Variants in SUMF1 observed in about 807,000 individuals in gnomAD.
The protein encoded by SUMF1 is formylglycine-generating enzyme.
Under a neutral mutation model 47.6 loss-of-function variants are expected in SUMF1, and 48 were observed. The ratio of observed to expected loss-of-function variants is 1.01; its 90% CI spans 0.80 to 1.28. SUMF1 has a LOEUF of 1.28. Ranked by LOEUF, SUMF1 falls within the 50% of genes most tolerant of loss-of-function variation. The pLI, the probability that SUMF1 is intolerant of heterozygous loss-of-function variation, is 0.00. For synonymous variants in SUMF1, 230 were observed against 192.1 expected (o/e 1.20, Z -1.63); for missense variants, 571 against 485.4 (o/e 1.18, Z -1.66).
intron 8 of SUMF1, among the ~76,000 whole-genome samples, chr3:4,160,999 G>T (rs1403010104): frequency 1.3e-5 from 2 of 152,110 alleles, no homozygotes; most frequent in African/African-American, 4.8e-5. Flanking sequence ...AAGAAATTGG[G>T]TATTGTGATC....
intron 8 of SUMF1, among the ~76,000 whole-genome samples, chr3:4,321,373 CAG>C (rs750048481): frequency 7.0e-6 from 1 of 143,034 alleles, no homozygotes; most frequent in Non-Finnish European, 1.5e-5. Context: ...AACAAAAAAA[CAG>C]GGTTCTTTGG....
intron 8 of SUMF1, among the ~76,000 whole-genome samples, chr3:4,183,997 T>C (rs1417055427): frequency 1.3e-5 from 2 of 151,980 alleles, no homozygotes; most frequent in South Asian, 4.2e-4. Flanking sequence ...TAGTCGGGCA[T>C]TGTGGCACAT....
chr3:4,456,721 TATATAC>T (rs1376579074), intron 1 of SUMF1, among the ~76,000 whole-genome samples: 38 of 135,878 alleles, frequency 2.8e-4, no homozygotes, highest in Admixed American at 3.7e-4. Flanking sequence ...TATATACATA[TATATAC>T]GTGTGTATAT....
At chr3:4,284,451 A>C (rs1559650391) in intron 8 of SUMF1, among the ~76,000 whole-genome samples, 1 of 93,750 alleles carries the variant, frequency 1.1e-5, no homozygotes, top group African/African-American at 4.6e-5. Context: ...AAGGAGGAGG[A>C]GGAGGAGGAG....
intron 8 of SUMF1, among the ~76,000 whole-genome samples, chr3:4,352,683 A>G (rs1233935103): frequency 6.7e-6 from 1 of 148,354 alleles, no homozygotes; most frequent in Admixed American, 6.8e-5. Context: ...AGGGTAGTCC[A>G]TGCATAGAAT....
At chr3:4,253,006 T>C (rs1478728614) in intron 8 of SUMF1, among the ~76,000 whole-genome samples, 2 of 152,236 alleles carry the variant, frequency 1.3e-5, no homozygotes, top group African/African-American at 2.4e-5. Flanking sequence ...ATGCAGTTTA[T>C]CACCAATTAC....
intron 8 of SUMF1, among the ~76,000 whole-genome samples, chr3:4,258,495 A>C (rs949991562): frequency 6.7e-6 from 1 of 148,698 alleles, no homozygotes; most frequent in Non-Finnish European, 1.5e-5. Flanking sequence ...TTATGCAGCC[A>C]AAAAACACAT....
intron 8 of SUMF1, among the ~76,000 whole-genome samples, chr3:4,148,279 G>T (rs1428395856): frequency 1.3e-5 from 2 of 152,112 alleles, no homozygotes; most frequent in Non-Finnish European, 2.9e-5. Flanking sequence ...TCACCCAAGA[G>T]ATGGGGGTTG....
chr3:4,110,831 T>C (rs1254221650), intron 8 of SUMF1, among the ~76,000 whole-genome samples: 1 of 106,698 alleles, frequency 9.4e-6, no homozygotes, highest in Non-Finnish European at 1.7e-5. Flanking sequence ...CGTCACACAC[T>C]GGGGCCTGTT....
At chr3:4,068,828 T>A (rs1695445624) in intron 8 of SUMF1, 1 of 234,674 alleles carries the variant, frequency 4.3e-6, no homozygotes, top group South Asian at 4.7e-5. Context: ...GTGACAGGCA[T>A]GCTAAATTTT....
intron 3 of SUMF1, among the ~76,000 whole-genome samples, chr3:4,445,900 G>C (rs1273241750): frequency 6.6e-6 from 1 of 152,112 alleles, no homozygotes; most frequent in Non-Finnish European, 1.5e-5. Context: ...AGATCTCTCT[G>C]TATTATTTCT....
intron 8 of SUMF1, among the ~76,000 whole-genome samples, chr3:4,180,700 A>ACACACACACACACACAC (rs1553606606): frequency 3.3e-5 from 5 of 151,418 alleles, no homozygotes; most frequent in Non-Finnish European, 5.9e-5. Context: ...ACACACACAC[A>ACACACACACACACACAC]AAATTAGCCA....
chr3:4,331,476 G>A (rs971532930), intron 8 of SUMF1, among the ~76,000 whole-genome samples: 1 of 152,148 alleles, frequency 6.6e-6, no homozygotes, highest in Non-Finnish European at 1.5e-5. Flanking sequence ...CAGATGCAAA[G>A]TCCAGAACAA....
intron 8 of SUMF1, among the ~76,000 whole-genome samples, chr3:4,295,744 A>G (rs1031898501): frequency 3.3e-5 from 5 of 152,220 alleles, no homozygotes; most frequent in African/African-American, 1.2e-4. Context: ...CATATTATCA[A>G]ACAATCCACA....
At chr3:4,353,519 C>T (rs147114092) in intron 8 of SUMF1, among the ~76,000 whole-genome samples, 5,059 of 152,144 alleles carry the variant, frequency 0.033, 293 homozygotes, top group African/African-American at 0.12. Context: ...CCCAAAGTGC[C>T]GGGATTACAG....
chr3:4,118,334 G>A (rs1015330081), intron 8 of SUMF1, among the ~76,000 whole-genome samples: 8 of 151,634 alleles, frequency 5.3e-5, no homozygotes, highest in Non-Finnish European at 1.0e-4. Flanking sequence ...CATTTAAAAT[G>A]CCATAAAAGA....
At chr3:4,174,333 G>A (rs1447914267) in intron 8 of SUMF1, among the ~76,000 whole-genome samples, 3 of 143,018 alleles carry the variant, frequency 2.1e-5, no homozygotes, top group Admixed American at 7.2e-5. Context: ...TCCAGCCTGG[G>A]TGACAGAGCG....
At chr3:4,415,695 C>G (rs147477818) in intron 6 of SUMF1, among the ~76,000 whole-genome samples, 1,777 of 152,186 alleles carry the variant, frequency 0.012, 40 homozygotes, top group African/African-American at 0.04. Context: ...CACCTGTAGT[C>G]CCAGCTACTC....
At chr3:4,317,865 T>C (rs1559222543) in intron 8 of SUMF1, among the ~76,000 whole-genome samples, 1 of 152,192 alleles carries the variant, frequency 6.6e-6, no homozygotes, top group Admixed American at 6.5e-5. Context: ...ATGTAAATTA[T>C]TAGTCTTGAG....
Sources: allele counts gnomAD v4.1 joint callset (sites outside exome capture counted in the v4.1 genomes callset), GRCh38; gene constraint gnomAD v4.1.1; transcripts MANE v1.5; gene names NCBI Gene and HGNC (gene_info 2026-07-23, HGNC 2026-07-21).